The following ZNF827 variants were observed in gnomAD, a reference collection of about 807,000 sequenced individuals.
The protein encoded by ZNF827 is zinc finger protein 827.
Under a neutral mutation model 102.4 loss-of-function variants are expected in ZNF827, and 13 were observed. The observed-to-expected ratio is 0.13, with a 90% CI of 0.08 to 0.20. The LOEUF (loss-of-function observed/expected upper bound fraction) is 0.20, where lower values mean the gene tolerates loss of function less well. Among genes scored for constraint, ZNF827 ranks in the 10% least tolerant of loss-of-function variants. ZNF827 has a pLI of 1.00. For synonymous variants in ZNF827, 523 were observed against 536.2 expected (o/e 0.98, Z 0.34); for missense variants, 1,103 against 1,344.4 (o/e 0.82, Z 2.81).
In ZNF827 at chr4:145,850,168, T is replaced by C. The variant is rs1165212451; in HGVS notation, c.1982-607A>G. On this transcript the variant is annotated intron_variant, in intron 5 of 14. Transcript: ENST00000508784. ...GGGACTACAGGCACCTGCCACAATA[T>C]TCGGCTAATTTTTGTATTTTTAGTA... 2.0e-5 allele frequency among the ~76,000 whole-genome samples: 3 copies of C among 151,992 alleles called. No homozygotes were observed. The East Asian group carries it at 5.8e-4, about 29-fold the overall frequency.
chr4:145,848,635 G>A (rs986175958), intron 6 of ZNF827, among the ~76,000 whole-genome samples: 5 of 152,110 alleles, frequency 3.3e-5, no homozygotes, highest in Non-Finnish European at 7.4e-5. Context: ...CAAAAAAATA[G>A]AAGCATATTA....
intron 8 of ZNF827, among the ~76,000 whole-genome samples, chr4:145,814,296 C>T (rs1742345680): frequency 6.6e-6 from 1 of 152,202 alleles, no homozygotes; most frequent in Non-Finnish European, 1.5e-5. Flanking sequence ...CTTCCCACCA[C>T]CAGTACCTGC....
intron 4 of ZNF827, among the ~76,000 whole-genome samples, chr4:145,878,511 C>T (rs1295786582): frequency 6.6e-6 from 1 of 151,054 alleles, no homozygotes; most frequent in Admixed American, 6.6e-5. Context: ...AGTTCGAGAC[C>T]AGCCTGGGTG....
intron 8 of ZNF827, among the ~76,000 whole-genome samples, chr4:145,784,119 C>G (rs926151310): frequency 1.3e-5 from 2 of 152,140 alleles, no homozygotes; most frequent in African/African-American, 4.8e-5. Flanking sequence ...CTGAGGCCTC[C>G]CCAGAAGCCA....
intron 3 of ZNF827, among the ~76,000 whole-genome samples, chr4:145,887,392 A>C (rs1435005646): frequency 6.6e-6 from 1 of 152,214 alleles, no homozygotes; most frequent in African/African-American, 2.4e-5. Context: ...TTCACCAGCC[A>C]AAACATACTT....
In ZNF827 at chr4:145,849,490, G is replaced by A; in HGVS notation, c.2053C>T (p.His685Tyr). Residue 685 changes from histidine (H) to tyrosine (Y), a missense_variant, in exon 6 of 15, where the codon CAT (histidine) becomes TAT (tyrosine). By Grantham distance (83) the His-to-Tyr change is moderately conservative. Around this residue, in one of 5 missense-constraint regions of ZNF827, gnomAD observed 243 missense variants for 251.6 expected, o/e 0.97. Transcript: ENST00000508784. ...EPMEVDIQDS[H>Y]VSISPSRNVG... The stretch of plus-strand genomic sequence containing the variant: ...TTCCGGCTGGGTGATATCGAGACAT[G>A]GGAGTCCTGGATGTCAACCTCCATG... The A allele has an allele frequency of 1.2e-6, 2 of 1,614,150 alleles. No homozygotes were observed. The highest frequency in any genetic ancestry group is 8.5e-7 in the Non-Finnish European group (1 of 1,180,026).
chr4:145,846,005 T>C lies in ZNF827; in HGVS notation c.2230A>G (p.Ser744Gly). 1 of 1,614,264 alleles carries C rather than the reference T, an allele frequency of 6.2e-7. No individual in the cohort carries two copies. Among genetic ancestry groups the C allele is most frequent in the Non-Finnish European group, 8.5e-7 (1 of 1,180,046 alleles). ...ELLFQLSEKV[S>G]KEHNHTKENT... is the part of the protein sequence containing the mutation. The stretch of plus-strand genomic sequence containing the variant: ...TCTTTTGTATGATTGTGCTCTTTGC[T>C]CACTTTTTCTGTAAGGAGAAAGAAT... Residue 744 changes from serine to glycine, a missense_variant, in exon 7 of 15, where the codon AGC (serine) becomes GGC (glycine). By Grantham distance (56) the Ser-to-Gly change is moderately conservative. Around this residue, in one of 5 missense-constraint regions of ZNF827, gnomAD observed 243 missense variants for 251.6 expected, o/e 0.97. Coordinates refer to ENST00000508784, the MANE Select transcript of ZNF827 (RefSeq NM_001306215.2).
In ZNF827 at chr4:145,760,422, A is replaced by G. The variant is rs1734323093; in HGVS notation, c.*1194T>C. The G allele has an allele frequency of 6.5e-6, 1 of 153,554 alleles. No homozygotes were observed. The highest frequency in any genetic ancestry group is 6.5e-5 in the Admixed American group (1 of 15,438). 9.5% of individuals were successfully genotyped at this position (153,554 alleles called of 1,614,324 possible). A position where few individuals can be genotyped will look rare whatever the true frequency, so the allele number is the denominator to read the frequency against. ...TATAAGCTTACAAGTGCTGATTGCT[A>G]TTAAGGACACTCTCTTTAGGGTTTA... On this transcript the variant is annotated 3_prime_UTR_variant, in exon 15 of 15. Coordinates refer to ENST00000508784, the MANE Select transcript of ZNF827 (RefSeq NM_001306215.2).
intron 7 of ZNF827, among the ~76,000 whole-genome samples, chr4:145,841,043 C>T (rs988329249): frequency 1.3e-5 from 2 of 152,230 alleles, no homozygotes; most frequent in African/African-American, 2.4e-5. Flanking sequence ...TTCAGGCAAA[C>T]TCTTCCTTGC....
intron 9 of ZNF827, among the ~76,000 whole-genome samples, chr4:145,776,657 G>C (rs1053718503): frequency 6.6e-6 from 1 of 152,050 alleles, no homozygotes; most frequent in Non-Finnish European, 1.5e-5. Context: ...GGTGAGTGCT[G>C]AGCAGGGGAG....
chr4:145,866,191 C>A (rs1341787772), intron 5 of ZNF827, among the ~76,000 whole-genome samples: 1 of 152,168 alleles, frequency 6.6e-6, no homozygotes, highest in African/African-American at 2.4e-5. Context: ...CTACTAAATT[C>A]TTCTATCTTG....
intron 1 of ZNF827, among the ~76,000 whole-genome samples, chr4:145,921,497 G>A (rs1753066737): frequency 1.3e-5 from 2 of 148,298 alleles, no homozygotes; most frequent in African/African-American, 5.0e-5. Context: ...AAAAAAAGAG[G>A]TCAGCTGGCA....
chr4:145,795,550 A>T (rs1740297180), intron 8 of ZNF827, among the ~76,000 whole-genome samples: 1 of 152,254 alleles, frequency 6.6e-6, no homozygotes, highest in Non-Finnish European at 1.5e-5. Context: ...ATGGCATTCT[A>T]ACATAATCTA....
chr4:145,831,623 A>T (rs1054225375), intron 7 of ZNF827: 4 of 152,268 alleles, frequency 2.6e-5, no homozygotes, highest in African/African-American at 9.6e-5. Context: ...GCTGTGGCCA[A>T]TGAAACAGAA....
At chr4:145,834,835 AC>A (rs1744640036) in intron 7 of ZNF827, 2 of 152,098 alleles carry the variant, frequency 1.3e-5, no homozygotes, top group African/African-American at 4.8e-5. Context: ...CGGCCCTGAA[AC>A]CCCACAACAG....
chr4:145,929,276 A>G (rs1376755726), intron 1 of ZNF827, among the ~76,000 whole-genome samples: 1 of 152,180 alleles, frequency 6.6e-6, no homozygotes, highest in Non-Finnish European at 1.5e-5. Context: ...ACTATTACCT[A>G]TGTAACATAT....
chr4:145,857,503 T>C (rs1747268090), intron 5 of ZNF827, among the ~76,000 whole-genome samples: 2 of 152,242 alleles, frequency 1.3e-5, no homozygotes, highest in African/African-American at 2.4e-5. Flanking sequence ...CTCAGTTGGA[T>C]ATCTGCAAAT....
rs1256601363 is a variant in ZNF827 at position 145,765,432 on chromosome 4, T to G, written c.3052+115A>C. On this transcript the variant is annotated intron_variant, in intron 12 of 14. Transcript: ENST00000508784. The surrounding 1 kb of genome is among the most constrained non-coding windows in gnomAD (Gnocchi z 4.7). ...AACCTTTAGGTGAGGCCCAGCATACTGCATCCTGGGCCTATTATCAGTTTT... is the reference window on the plus strand; with the variant it reads ...AACCTTTAGGTGAGGCCCAGCATACGGCATCCTGGGCCTATTATCAGTTTT... 6.0e-5 allele frequency: 76 copies of G among 1,264,230 alleles called. No homozygotes were observed. The highest frequency in any genetic ancestry group is 2.9e-4 in the East Asian group (12 of 41,038). The allele number at this position is 1,264,230 out of a possible 1,614,324, so 78.3% of individuals were successfully genotyped here.
At chr4:145,859,376 A>G (rs1443694235) in intron 5 of ZNF827, among the ~76,000 whole-genome samples, 1 of 152,188 alleles carries the variant, frequency 6.6e-6, no homozygotes, top group Non-Finnish European at 1.5e-5. Flanking sequence ...AGGAGGAGTA[A>G]TATAGGGTTC....
Sources: gnomAD v4.1 joint callset for allele counts (sites outside exome capture counted in the v4.1 genomes callset) on GRCh38, gnomAD v4.1.1 for gene constraint, gnomAD v4.1.1 regional missense constraint, Gnocchi (gnomAD v3.1) non-coding constraint, MANE v1.5 for transcripts, NCBI Gene and HGNC (gene_info 2026-07-23, HGNC 2026-07-21) for gene names.